IFT88: variants seen among roughly 807,000 people sequenced by gnomAD.
IFT88 encodes the protein intraflagellar transport 88.
IFT88 carries 74 observed loss-of-function variants against 119.5 expected under a neutral mutation model. That is an observed-to-expected ratio of 0.62 (90% CI 0.51 to 0.75). The LOEUF is 0.75. Ranked by LOEUF, IFT88 falls within the 30% of genes least tolerant of loss-of-function variation. The pLI, the probability that IFT88 is intolerant of heterozygous loss-of-function variation, is 0.00. For missense variants in IFT88, 961 were observed against 977.7 expected (o/e 0.98, Z 0.23); for synonymous variants, 279 against 316.7 (o/e 0.88, Z 1.26).
chr13:20,668,714 C>A (rs1465361807), intron 23 of IFT88, among the ~76,000 whole-genome samples: 2 of 152,170 alleles, frequency 1.3e-5, no homozygotes, highest in African/African-American at 4.8e-5. Flanking sequence ...GACCAGGGGA[C>A]ACACAGGGGG....
intron 24 of IFT88, among the ~76,000 whole-genome samples, chr13:20,672,721 A>G (rs2056090680): frequency 6.6e-6 from 1 of 152,222 alleles, no homozygotes; most frequent in Admixed American, 6.5e-5. Context: ...AGAGCACCTC[A>G]GACATATTAA....
chr13:20,656,487 T>C, intron 22 of IFT88, 57 bp downstream of exon 22: 1 of 756,886 alleles, frequency 1.3e-6, no homozygotes. Context: ...TTTTATGTTC[T>C]AATATATAAT....
At chr13:20,626,916 A>G (rs912818386) in intron 15 of IFT88, among the ~76,000 whole-genome samples, 2 of 152,208 alleles carry the variant, frequency 1.3e-5, no homozygotes, top group African/African-American at 4.8e-5. Flanking sequence ...AAGCTATAGC[A>G]TCTTTCCCAC....
chr13:20,589,823 A>C lies in IFT88; in HGVS notation c.166A>C (p.Ile56Leu). The C allele has an allele frequency of 6.3e-7, 1 of 1,599,724 alleles. No homozygotes were observed. The change falls in exon 4 of 26, where the codon ATA becomes CTA. Residue 56 changes from isoleucine to leucine, a missense_variant. Ile to Leu is a conservative substitution (Grantham distance 5). Coordinates refer to ENST00000351808, the MANE Select transcript of IFT88 (RefSeq NM_006531.5). The part of the protein sequence containing the change: ...HGRRPPITAK[I>L]SSTAVTRPIA... ...TTTCCTCCCCAAGATAACTGCTAAAATATCAAGCACGGCAGTTACTAGACC... is the reference window on the plus strand; with the variant it reads ...TTTCCTCCCCAAGATAACTGCTAAACTATCAAGCACGGCAGTTACTAGACC...
In IFT88 at chr13:20,569,797, G is replaced by A. The variant is rs144157305; in HGVS notation, c.-7+2541G>A. On this transcript the variant is annotated intron_variant, in intron 1 of 25. Coordinates refer to ENST00000351808, the MANE Select transcript of IFT88 (RefSeq NM_006531.5). ...TAATCCCAGCACTCTGGGAGGCCGAGGTGGGCGGATCACAAGGTCAGGAGA... is the reference window on the plus strand; with the variant it reads ...TAATCCCAGCACTCTGGGAGGCCGAAGTGGGCGGATCACAAGGTCAGGAGA... Among the ~76,000 whole-genome samples the A allele has an allele frequency of 9.8e-3, 1,485 of 152,056 alleles. 25 individuals carry two copies. Among genetic ancestry groups the A allele is most frequent in the African/African-American group, 0.034 (1,393 of 41,476 alleles).
At chr13:20,586,553 G>T (rs763735272) in intron 3 of IFT88, among the ~76,000 whole-genome samples, 1 of 152,012 alleles carries the variant, frequency 6.6e-6, no homozygotes, top group Non-Finnish European at 1.5e-5. Context: ...CAGGAGAAAA[G>T]GGCATTGCAG....
chr13:20,674,719 TATA>T (rs1461963924), intron 24 of IFT88, among the ~76,000 whole-genome samples: 2,003 of 32,006 alleles, frequency 0.063, 96 homozygotes, highest in African/African-American at 0.19. Context: ...TATATATATA[TATA>T]TATTTTTTTT....
Position 20,656,410 on chromosome 13 carries a change from A to G in IFT88, c.2048A>G (p.Lys683Arg). 1 of 1,516,438 alleles carries G rather than the reference A, an allele frequency of 6.6e-7. No individual in the cohort carries two copies. Among genetic ancestry groups the G allele is most frequent in the Non-Finnish European group, 9.0e-7 (1 of 1,110,182 alleles). 93.9% of individuals were successfully genotyped at this position (1,516,438 alleles called of 1,614,324 possible). Residue 683 changes from lysine to arginine, a missense_variant, in exon 22 of 26, where the codon AAA becomes AGA. Coordinates refer to ENST00000351808, the MANE Select transcript of IFT88 (RefSeq NM_006531.5). ...ALDTYKDTHRKFPENVECLRF... is the reference protein window; with the variant it reads ...ALDTYKDTHRRFPENVECLRF... The stretch of plus-strand genomic sequence containing the variant: ...GATACTTACAAAGATACTCACAGAA[A>G]ATTTCCAGAAAATGTCGAATGTAAG...
In IFT88 at chr13:20,602,115, T is replaced by C. The variant is rs372976005; in HGVS notation, c.1041+182T>C. Among the ~76,000 whole-genome samples the C allele has an allele frequency of 1.3e-4, 19 of 151,934 alleles. 1 individual carries two copies. The highest frequency in any genetic ancestry group is 4.1e-4 in the African/African-American group (17 of 41,466). ...GGTTGAGAATGAGACTCTATTGAAATGGGGTAGAGATTATGGTTAAAACAG... is the reference window on the plus strand; with the variant it reads ...GGTTGAGAATGAGACTCTATTGAAACGGGGTAGAGATTATGGTTAAAACAG... On this transcript the variant is annotated intron_variant, in intron 12 of 25. Transcript: ENST00000351808.
intron 2 of IFT88, among the ~76,000 whole-genome samples, chr13:20,578,928 C>A (rs2038007454): frequency 6.6e-6 from 1 of 152,152 alleles, no homozygotes; most frequent in Admixed American, 6.5e-5. Flanking sequence ...TTCTCTCTTT[C>A]TTTGTAGTTA....
Position 20,690,835 on chromosome 13 carries a change from T to C in IFT88, c.2353+20T>C. On this transcript the variant is annotated intron_variant, in intron 25 of 25. Transcript: ENST00000351808. ...AAATAGGCAAGTACTCTCCACCCAGTTCCTCCAGGCATAGCAGGTCTGAAG... is the reference window on the plus strand; with the variant it reads ...AAATAGGCAAGTACTCTCCACCCAGCTCCTCCAGGCATAGCAGGTCTGAAG... 6.5e-7 allele frequency: 1 copy of C among 1,543,288 alleles called. No homozygotes were observed. Among genetic ancestry groups the C allele is most frequent in the Non-Finnish European group, 9.0e-7 (1 of 1,115,618 alleles).
intron 18 of IFT88, 106 bp from the exon 19 acceptor site, chr13:20,643,349 G>T: frequency 1.2e-6 from 1 of 823,664 alleles, no homozygotes; most frequent in East Asian, 2.6e-5. Context: ...GTATACAATA[G>T]CACATTACTG....
intron 22 of IFT88, chr13:20,663,254 TC>T (rs1298695193): frequency 1.4e-6 from 2 of 1,448,958 alleles, no homozygotes; most frequent in Non-Finnish European, 9.2e-7. Flanking sequence ...TGTGCCATGT[TC>T]CTTCTAGGTT....
chr13:20,627,604 G>A (rs992908595), intron 15 of IFT88, among the ~76,000 whole-genome samples: 5 of 151,878 alleles, frequency 3.3e-5, no homozygotes, highest in Non-Finnish European at 5.9e-5. Context: ...GGTGGCATGC[G>A]CCTGTAGTCC....
rs142790486 is a variant in IFT88, at chr13:20,580,485, A to G, written c.91-2472A>G. On this transcript the variant is annotated intron_variant, in intron 2 of 25. Transcript: ENST00000351808. ...TGAGCCAAGATCACGCCATTGCACA[A>G]TGAGCCAAGATCACGCCATTGCACA... 1.0e-3 allele frequency among the ~76,000 whole-genome samples: 154 copies of G among 151,888 alleles called. 1 individual carries two copies. Among genetic ancestry groups the G allele is most frequent in the African/African-American group, 3.0e-3 (126 of 41,508 alleles).
intron 24 of IFT88, among the ~76,000 whole-genome samples, chr13:20,685,844 C>T (rs1327999612): frequency 2.6e-5 from 4 of 152,180 alleles, no homozygotes; most frequent in Non-Finnish European, 4.4e-5. Context: ...TGCGCCACTG[C>T]GCTCTAGCCT....
chr13:20,637,061 A>G (rs1240323905), intron 16 of IFT88, among the ~76,000 whole-genome samples: 1 of 152,230 alleles, frequency 6.6e-6, no homozygotes, highest in East Asian at 1.9e-4. Context: ...TGCATATTTT[A>G]TGATTCTATT....
At chr13:20,666,085 C>A (rs188485800) in intron 23 of IFT88, among the ~76,000 whole-genome samples, 1 of 152,242 alleles carries the variant, frequency 6.6e-6, no homozygotes, top group Admixed American at 6.5e-5. Context: ...TCCATAGAAC[C>A]GAAACCCAAT....
At chr13:20,612,225 C>G (rs1460270443) in intron 13 of IFT88, 2 of 152,062 alleles carry the variant, frequency 1.3e-5, no homozygotes, top group African/African-American at 4.8e-5. Flanking sequence ...TTCCGCTATC[C>G]AAGGACAATC....
Sources: gnomAD v4.1 joint callset for allele counts (sites outside exome capture counted in the v4.1 genomes callset) on GRCh38, gnomAD v4.1.1 for gene constraint, MANE v1.5 for transcripts, NCBI Gene and HGNC (gene_info 2026-07-23, HGNC 2026-07-21) for gene names.